Variants in CDKAL1 observed in about 807,000 individuals in gnomAD.
CDKAL1 encodes the protein threonylcarbamoyladenosine tRNA methylthiotransferase.
A neutral mutation model predicts 68.2 loss-of-function variants in CDKAL1; 32 were observed. The observed-to-expected ratio is 0.47, with a 90% CI of 0.35 to 0.63. The LOEUF (loss-of-function observed/expected upper bound fraction) is 0.63. CDKAL1 is among the 30% of genes least tolerant of loss of function. The pLI is 0.00. For synonymous variants in CDKAL1, 234 were observed against 244.3 expected, an observed-to-expected ratio of 0.96 and a Z score of 0.39; for missense variants, 606 against 696.7, an observed-to-expected ratio of 0.87 and a Z score of 1.47.
chr6:20,931,910 G>A (rs1288378224), intron 9 of CDKAL1, among the ~76,000 whole-genome samples: 6 of 152,142 alleles, frequency 3.9e-5, no homozygotes, highest in Non-Finnish European at 7.4e-5. Context: ...TGATTTTACA[G>A]TATAGGTTAT....
chr6:20,823,603 A>G (rs184129595), intron 8 of CDKAL1, among the ~76,000 whole-genome samples: 1 of 152,208 alleles, frequency 6.6e-6, no homozygotes, highest in Non-Finnish European at 1.5e-5. Flanking sequence ...CAGTGTGAAA[A>G]TAAAACATAA....
chr6:20,713,303 G>A (rs1039846604), intron 5 of CDKAL1, among the ~76,000 whole-genome samples: 7 of 152,054 alleles, frequency 4.6e-5, no homozygotes, highest in African/African-American at 7.2e-5. Flanking sequence ...TAATGAATCA[G>A]GAGTGAGTTT....
intron 9 of CDKAL1, among the ~76,000 whole-genome samples, chr6:20,936,278 T>C (rs1358416099): frequency 1.6e-5 from 2 of 124,580 alleles, no homozygotes; most frequent in African/African-American, 3.0e-5. Context: ...TGAGACGGAG[T>C]CTCGCTCTGT....
intron 11 of CDKAL1, among the ~76,000 whole-genome samples, chr6:21,024,709 G>A (rs1768866212): frequency 6.6e-6 from 1 of 152,102 alleles, no homozygotes; most frequent in African/African-American, 2.4e-5. Context: ...TGTCAGAGAC[G>A]GGGAACACAG....
At chr6:20,685,289 G>T (rs1015000261) in intron 5 of CDKAL1, among the ~76,000 whole-genome samples, 1 of 152,094 alleles carries the variant, frequency 6.6e-6, no homozygotes, top group Admixed American at 6.6e-5. Context: ...TTCGCTCCTT[G>T]GTCAAAGATC....
intron 8 of CDKAL1, among the ~76,000 whole-genome samples, chr6:20,842,050 C>A (rs1042297422): frequency 6.6e-6 from 1 of 152,184 alleles, no homozygotes; most frequent in Non-Finnish European, 1.5e-5. Context: ...GCTCAGTGTT[C>A]TTTCTCCTAG....
chr6:20,719,396 C>T (rs1209642398), intron 5 of CDKAL1, among the ~76,000 whole-genome samples: 1 of 152,098 alleles, frequency 6.6e-6, no homozygotes, highest in East Asian at 1.9e-4. Context: ...GGTCAGAGGA[C>T]CAAATACAGT....
Position 21,001,993 on chromosome 6 carries a change from A to G in CDKAL1, c.1055+1621A>G, listed in dbSNP as rs981243196. On this transcript the variant is annotated intron_variant, in intron 11 of 15. Coordinates refer to ENST00000274695, the MANE Select transcript of CDKAL1 (RefSeq NM_017774.3). Reference sequence around the variant, plus strand: ...GATTAAACGAGGTTAAGGAATCAGCACCTCTCTTTTATCTTTATTTGGTTG... The same window carrying G: ...GATTAAACGAGGTTAAGGAATCAGCGCCTCTCTTTTATCTTTATTTGGTTG... 7.9e-5 allele frequency among the ~76,000 whole-genome samples: 12 copies of G among 152,096 alleles called. 1 individual carries two copies. Among genetic ancestry groups the G allele is most frequent in the Non-Finnish European group, 1.5e-5 (1 of 68,022 alleles).
chr6:21,149,145 CTT>C (rs751130086), intron 13 of CDKAL1, among the ~76,000 whole-genome samples: 1 of 146,602 alleles, frequency 6.8e-6, no homozygotes, highest in Non-Finnish European at 1.5e-5. Flanking sequence ...CTTCAAAAAA[CTT>C]TTTTTTTTTT....
At chr6:20,859,446 C>G (rs895592768) in intron 9 of CDKAL1, among the ~76,000 whole-genome samples, 2 of 152,284 alleles carry the variant, frequency 1.3e-5, no homozygotes, top group East Asian at 3.9e-4. Flanking sequence ...TAGGAGGAAG[C>G]CTTTGCAGTT....
At chr6:20,675,738 C>T (rs1489467420) in intron 5 of CDKAL1, among the ~76,000 whole-genome samples, 5 of 152,086 alleles carry the variant, frequency 3.3e-5, no homozygotes, top group African/African-American at 9.6e-5. Context: ...CTGGTTTATG[C>T]ACTTAATATG....
At chr6:20,854,026 A>C (rs971503580) in intron 9 of CDKAL1, among the ~76,000 whole-genome samples, 1 of 152,218 alleles carries the variant, frequency 6.6e-6, no homozygotes, top group African/African-American at 2.4e-5. Context: ...AAGGCATCAC[A>C]AAAGGATGGC....
chr6:21,084,874 A>G (rs1036111861), intron 12 of CDKAL1, among the ~76,000 whole-genome samples: 1 of 152,188 alleles, frequency 6.6e-6, no homozygotes, highest in Non-Finnish European at 1.5e-5. Flanking sequence ...AAGGCTTGGC[A>G]GAGAGCCCCG....
chr6:21,091,876 T>C (rs1773028619), intron 12 of CDKAL1, among the ~76,000 whole-genome samples: 3 of 4,440 alleles, frequency 6.8e-4, no homozygotes, highest in African/African-American at 2.0e-3. Context: ...TTTTTTTTTT[T>C]TTTTTTTTTT....
At chr6:20,829,607 G>A (rs1355688019) in intron 8 of CDKAL1, among the ~76,000 whole-genome samples, 3 of 152,144 alleles carry the variant, frequency 2.0e-5, no homozygotes, top group Non-Finnish European at 2.9e-5. Context: ...CTTGTGTGCA[G>A]GAATCTTGAA....
At chr6:20,695,885 T>G (rs1771083901) in intron 5 of CDKAL1, among the ~76,000 whole-genome samples, 1 of 152,170 alleles carries the variant, frequency 6.6e-6, no homozygotes, top group African/African-American at 2.4e-5. Flanking sequence ...TCTGCAGAGT[T>G]TTTTCATTAT....
At chr6:20,750,582 C>A (rs71563974) in intron 6 of CDKAL1, among the ~76,000 whole-genome samples, 1 of 152,232 alleles carries the variant, frequency 6.6e-6, no homozygotes, top group East Asian at 1.9e-4. Flanking sequence ...GACCACCTAT[C>A]TGCCATTCCT....
At chr6:20,831,346 C>T (rs1777709528) in intron 8 of CDKAL1, among the ~76,000 whole-genome samples, 1 of 152,044 alleles carries the variant, frequency 6.6e-6, no homozygotes, top group African/African-American at 2.4e-5. Context: ...GTGAATATGG[C>T]GGAGGAGGCA....
intron 13 of CDKAL1, among the ~76,000 whole-genome samples, chr6:21,177,412 T>G (rs1027993439): frequency 4.6e-5 from 7 of 152,232 alleles, no homozygotes; most frequent in Admixed American, 2.6e-4. Context: ...TCAAATACAT[T>G]AAGAACTACC....
Sources: gnomAD v4.1 joint callset for allele counts (sites outside exome capture counted in the v4.1 genomes callset) on GRCh38, gnomAD v4.1.1 for gene constraint, MANE v1.5 for transcripts, NCBI Gene and HGNC (gene_info 2026-07-23, HGNC 2026-07-21) for gene names.